Variants in RAB15 observed in about 807,000 individuals in gnomAD.
RAB15 encodes RAB15, member RAS oncogene family.
In RAB15, 13 loss-of-function variants were observed where a neutral mutation model predicts 31.8. The ratio of observed to expected loss-of-function variants is 0.41; its 90% confidence interval spans 0.27 to 0.65. The LOEUF (loss-of-function observed/expected upper bound fraction) is 0.65, where lower values mean the gene tolerates loss of function less well. Ranked by LOEUF, RAB15 falls within the 30% of genes least tolerant of loss-of-function variation. RAB15 has a pLI of 0.32. For missense variants in RAB15, 220 were observed against 277.3 expected, an observed-to-expected ratio of 0.79 and a Z score of 1.47; for synonymous variants, 100 against 105.6, an observed-to-expected ratio of 0.95 and a Z score of 0.33.
chr14:64,964,144 A>G (rs1308225510), intron 1 of RAB15, among the ~76,000 whole-genome samples: 1 of 152,234 alleles, frequency 6.6e-6, no homozygotes, highest in Non-Finnish European at 1.5e-5. Flanking sequence ...AAGTGAGACG[A>G]ATAAATGGAT....
chr14:64,966,347 G>T (rs757075508), intron 1 of RAB15, among the ~76,000 whole-genome samples: 14 of 151,966 alleles, frequency 9.2e-5, no homozygotes, highest in Admixed American at 2.6e-4. Context: ...CATCTCTACA[G>T]CATTCTTATA....
intron 1 of RAB15, among the ~76,000 whole-genome samples, chr14:64,965,963 G>A (rs1369439078): frequency 6.6e-6 from 1 of 152,192 alleles, no homozygotes; most frequent in East Asian, 1.9e-4. Context: ...TGTGTCAGGA[G>A]GAGAAACAGA....
At position 64,971,738 on chromosome 14, in the gene RAB15, CG is replaced by C; in HGVS notation, c.124+214del. The C allele has an allele frequency of 1.8e-6, 1 of 566,678 alleles. No individual in the cohort carries two copies. Among genetic ancestry groups the C allele is most frequent in the Middle Eastern group, 2.7e-4 (1 of 3,690 alleles). The allele number at this position is 566,678 out of a possible 1,614,324, so 35.1% of individuals were successfully genotyped here. A position where few individuals can be genotyped will look rare whatever the true frequency, so the allele number is the denominator to read the frequency against. Reference sequence around the variant, plus strand: ...GGACGGAAGGCTTCCCGGCAAGAGGCGGGAGACCCCACCCCTGGTCCGGACG... The same window carrying C: ...GGACGGAAGGCTTCCCGGCAAGAGGCGGAGACCCCACCCCTGGTCCGGACG... On this transcript the variant is annotated intron_variant, in intron 1 of 6. Coordinates refer to ENST00000533601, the MANE Select transcript of RAB15 (RefSeq NM_001308154.2). The surrounding 1 kb of genome is among the most constrained non-coding windows in gnomAD (Gnocchi z 4.1).
At chr14:64,959,881 A>G (rs1886761268) in intron 1 of RAB15, among the ~76,000 whole-genome samples, 1 of 141,032 alleles carries the variant, frequency 7.1e-6, no homozygotes, top group Non-Finnish European at 1.5e-5. Context: ...AAGCAATTCC[A>G]TGAGGGGGAT....
chr14:64,948,495 T>C lies in RAB15; in HGVS notation c.498A>G (p.Thr166=). 1 of 1,609,150 alleles carries C rather than the reference T, an allele frequency of 6.2e-7. No individual in the cohort carries two copies. The highest frequency in any genetic ancestry group is 8.5e-7 in the Non-Finnish European group (1 of 1,177,654). Residue 166 remains threonine, a synonymous_variant, in exon 7 of 7, where the codon ACA becomes ACG. Transcript: ENST00000533601. The surrounding 1 kb of genome is among the most constrained non-coding windows in gnomAD (Gnocchi z 7.0). ...TCCTATGGGCCTGCAGCACCAGCTC[T>C]GTCAGACGCGTGAATGACTGGAAAC... ...LNIKESFTRL[T]ELVLQAHRKE...
At chr14:64,969,222 C>A (rs1039081945) in intron 1 of RAB15, among the ~76,000 whole-genome samples, 6 of 152,170 alleles carry the variant, frequency 3.9e-5, no homozygotes, top group African/African-American at 1.4e-4. Context: ...GGTCTCAGTG[C>A]AGAGCCTGGC....
rs1594960664 is a variant in RAB15 at position 64,971,717 on chromosome 14, G to A, written c.124+236C>T. ...CCCCGGTTTCTCGGTTTGATGGGACGGAAGGCTTCCCGGCAAGAGGCGGGA... is the reference window on the plus strand; with the variant it reads ...CCCCGGTTTCTCGGTTTGATGGGACAGAAGGCTTCCCGGCAAGAGGCGGGA... On this transcript the variant is annotated intron_variant, in intron 1 of 6. Transcript: ENST00000533601. This position sits in a 1 kb window ranked among gnomAD's most constrained non-coding sequence, Gnocchi z 4.1. 5 of 551,224 alleles carry A rather than the reference G, an allele frequency of 9.1e-6. No individual in the cohort carries two copies. The highest frequency in any genetic ancestry group is 8.4e-5 in the South Asian group (4 of 47,864). The allele number at this position is 551,224 out of a possible 1,614,324, so 34.1% of individuals were successfully genotyped here.
rs1486522676 is a variant in RAB15, at chr14:64,948,623, G to A, written c.480+45C>T. On this transcript the variant is annotated intron_variant, in intron 6 of 6. Transcript: ENST00000533601. This position sits in a 1 kb window ranked among gnomAD's most constrained non-coding sequence, Gnocchi z 7.0. ...TATGGCTCCTCCTCCCACCTCTGCT[G>A]GACTCAGCCCGAGAGAGCGGGCGCC... is the stretch of plus-strand genomic sequence containing the variant. 1.9e-6 allele frequency: 3 copies of A among 1,612,460 alleles called. No individual in the cohort carries two copies. Among genetic ancestry groups the A allele is most frequent in the African/African-American group, 2.7e-5 (2 of 74,866 alleles).
Position 64,972,204 on chromosome 14 carries a change from C to A in RAB15, c.-128G>T. 4 of 683,536 alleles carry A rather than the reference C, an allele frequency of 5.9e-6. No homozygotes were observed. In the South Asian group the frequency reaches 2.5e-4, roughly 43 times the overall value. The allele number at this position is 683,536 out of a possible 1,614,324, so 42.3% of individuals were successfully genotyped here. ...CGAGGAGGACGCCGGGCCCGGCCCCCGCGGCTGCCTCGCCCGCCCGCCTGC... is the reference window on the plus strand; with the variant it reads ...CGAGGAGGACGCCGGGCCCGGCCCCAGCGGCTGCCTCGCCCGCCCGCCTGC... On this transcript the variant is annotated 5_prime_UTR_variant, in exon 1 of 7. Transcript: ENST00000533601. The surrounding 1 kb of genome is among the most constrained non-coding windows in gnomAD (Gnocchi z 6.3).
In RAB15 at chr14:64,951,500, C is replaced by T. The variant is rs1056826078; in HGVS notation, c.246+103G>A. ...GACGCCCTGCGCTCCTCCAAGCAGG[C>T]GAACTGTATTTAGGGGATCCGTGGC... On this transcript the variant is annotated intron_variant, in intron 3 of 6. Coordinates refer to ENST00000533601, the MANE Select transcript of RAB15 (RefSeq NM_001308154.2). This position sits in a 1 kb window ranked among gnomAD's most constrained non-coding sequence, Gnocchi z 7.2. The T allele has an allele frequency of 1.4e-5, 15 of 1,080,642 alleles. No homozygotes were observed. The highest frequency in any genetic ancestry group is 3.1e-5 in the African/African-American group (2 of 64,772). The allele number at this position is 1,080,642 out of a possible 1,614,324, so 66.9% of individuals were successfully genotyped here.
chr14:64,961,673 C>T (rs1331601207), intron 1 of RAB15, among the ~76,000 whole-genome samples: 1 of 151,754 alleles, frequency 6.6e-6, no homozygotes, highest in Admixed American at 6.6e-5. Context: ...TTTGGGAAGC[C>T]AAGGTGTGAG....
rs549538652 is a variant in RAB15, at chr14:64,958,840, C to T, written c.125-6269G>A. ...ACGGAGAGCAGCTCATTGTTTTTCC[C>T]GGCACATTAGATATGCCCATCATGG... On this transcript the variant is annotated intron_variant, in intron 1 of 6. Transcript: ENST00000533601. This position sits in a 1 kb window ranked among gnomAD's most constrained non-coding sequence, Gnocchi z 4.4. 6.6e-5 allele frequency among the ~76,000 whole-genome samples: 10 copies of T among 152,302 alleles called. No individual in the cohort carries two copies. Among genetic ancestry groups the T allele is most frequent in the East Asian group, 1.9e-4 (1 of 5,174 alleles).
intron 1 of RAB15, among the ~76,000 whole-genome samples, chr14:64,961,448 G>A (rs1168661017): frequency 1.3e-5 from 2 of 152,178 alleles, no homozygotes; most frequent in Non-Finnish European, 2.9e-5. Context: ...TAAGGTCCAT[G>A]TTGCCTATTA....
rs1183001803 is a variant in RAB15 at position 64,950,703 on chromosome 14, A to G, written c.325-289T>C. 4 of 595,076 alleles carry G rather than the reference A, an allele frequency of 6.7e-6. No homozygotes were observed. The highest frequency in any genetic ancestry group is 2.8e-5 in the East Asian group (1 of 36,048). The allele number at this position is 595,076 out of a possible 1,614,324, so 36.9% of individuals were successfully genotyped here. On this transcript the variant is annotated intron_variant, in intron 4 of 6. Transcript: ENST00000533601. The surrounding 1 kb of genome is among the most constrained non-coding windows in gnomAD (Gnocchi z 5.6). ...TGGATGTAAGTCCAGCCCTCATTCT[A>G]CAGGAACTGGGGACCCAGAGGATTC...
At position 64,952,436 on chromosome 14, in the gene RAB15, A is replaced by G; in HGVS notation, c.185+75T>C. 1.8e-6 allele frequency: 2 copies of G among 1,121,766 alleles called. No individual in the cohort carries two copies. The highest frequency in any genetic ancestry group is 2.7e-6 in the Non-Finnish European group (2 of 748,548). The allele number at this position is 1,121,766 out of a possible 1,614,324, so 69.5% of individuals were successfully genotyped here. On this transcript the variant is annotated intron_variant, in intron 2 of 6. Coordinates refer to ENST00000533601, the MANE Select transcript of RAB15 (RefSeq NM_001308154.2). The surrounding 1 kb of genome is among the most constrained non-coding windows in gnomAD (Gnocchi z 4.2). Reference sequence around the variant, plus strand: ...CCCAGGTGAAGCCTAGGAATTTTACACATGGCAGGGGCAGCTAAGGAGCAG... The same window carrying G: ...CCCAGGTGAAGCCTAGGAATTTTACGCATGGCAGGGGCAGCTAAGGAGCAG...
rs1326739485 is a variant in RAB15 at position 64,962,086 on chromosome 14, G to A, written c.125-9515C>T. Among the ~76,000 whole-genome samples the A allele has an allele frequency of 6.6e-6, 1 of 152,044 alleles. No individual in the cohort carries two copies. The stretch of plus-strand genomic sequence containing the variant: ...AAAAATTAGCTGGTCGTGGTGGCAG[G>A]CTCCTGGAATCCCAGCTACTCGGGA... On this transcript the variant is annotated intron_variant, in intron 1 of 6. Coordinates refer to ENST00000533601, the MANE Select transcript of RAB15 (RefSeq NM_001308154.2). The surrounding 1 kb of genome is among the most constrained non-coding windows in gnomAD (Gnocchi z 4.2).
In RAB15 at chr14:64,958,684, T is replaced by A. The variant is rs1478274832; in HGVS notation, c.125-6113A>T. Among the ~76,000 whole-genome samples the A allele has an allele frequency of 6.6e-6, 1 of 151,866 alleles. No homozygotes were observed. The highest frequency in any genetic ancestry group is 2.4e-5 in the African/African-American group (1 of 41,294). ...TTCCTTTCTTGGGTACAGAAAGAAA[T>A]AGGGCACAGAAGTGTTAAGAAACAA... On this transcript the variant is annotated intron_variant, in intron 1 of 6. Coordinates refer to ENST00000533601, the MANE Select transcript of RAB15 (RefSeq NM_001308154.2). The surrounding 1 kb of genome is among the most constrained non-coding windows in gnomAD (Gnocchi z 4.4).
Position 64,952,525 on chromosome 14 carries a change from C to T in RAB15, c.171G>A (p.Val57=), listed in dbSNP as rs1465889782. ...CCCCAGCTCACCAGATCTGTATCCG[C>T]ACTTTGATGCCGTCTACCTCTATGG... ...MKTIEVDGIK[V]RIQIWDTAGQ... Residue 57 remains valine, a synonymous_variant, in exon 2 of 7, where the codon GTG becomes GTA. Transcript: ENST00000533601. The surrounding 1 kb of genome is among the most constrained non-coding windows in gnomAD (Gnocchi z 4.2). 1.2e-6 allele frequency: 2 copies of T among 1,612,644 alleles called. No homozygotes were observed. The highest frequency in any genetic ancestry group is 2.2e-5 in the South Asian group (2 of 91,040).
chr14:64,961,141 T>A (rs1254787752), intron 1 of RAB15, among the ~76,000 whole-genome samples: 2 of 152,164 alleles, frequency 1.3e-5, no homozygotes, highest in Non-Finnish European at 2.9e-5. Flanking sequence ...CTAATACACC[T>A]GAAACCCAAG....
Sources: gnomAD v4.1 joint callset for allele counts (sites outside exome capture counted in the v4.1 genomes callset) on GRCh38, gnomAD v4.1.1 for gene constraint, Gnocchi (gnomAD v3.1) non-coding constraint, MANE v1.5 for transcripts, NCBI Gene and HGNC (gene_info 2026-07-23, HGNC 2026-07-21) for gene names.